The following PARVB variants were observed in gnomAD, a reference collection of about 807,000 sequenced individuals.
PARVB encodes the protein parvin beta.
In PARVB, 46 loss-of-function variants were observed where a neutral mutation model predicts 47.0. The observed-to-expected ratio is 0.98, with a 90% CI of 0.77 to 1.25. The LOEUF (loss-of-function observed/expected upper bound fraction) is 1.25, where lower values mean the gene tolerates loss of function less well. PARVB is among the 50% of genes most tolerant of loss of function. The pLI is 0.00. For missense variants in PARVB, 473 were observed against 471.6 expected (o/e 1.00, Z -0.03); for synonymous variants, 196 against 196.3 (o/e 1.00, Z 0.01).
Position 44,151,484 on chromosome 22 carries a change from C to A in PARVB, c.776C>A (p.Ser259Tyr), listed in dbSNP as rs981996024. 6.2e-7 allele frequency: 1 copy of A among 1,613,234 alleles called. No individual in the cohort carries two copies. The highest frequency in any genetic ancestry group is 1.3e-5 in the African/African-American group (1 of 75,030). The change falls in exon 10 of 13, where the codon TCT becomes TAT. Residue 259 changes from serine (S) to tyrosine (Y), a missense_variant and splice_region_variant. By Grantham distance (144) the Ser-to-Tyr change is moderately radical. Coordinates refer to ENST00000338758, the MANE Select transcript of PARVB (RefSeq NM_013327.5). ...CTGTGTCTCTTTTATTCTTGGCAGT[C>A]TCTCATCACTTTTGTGAACAAGCAC... is the stretch of plus-strand genomic sequence containing the variant. ...APDKLSVVKK[S>Y]LITFVNKHLN...
At chr22:44,041,886 AAAAT>A (rs899644937) in intron 1 of PARVB, among the ~76,000 whole-genome samples, 1 of 152,052 alleles carries the variant, frequency 6.6e-6, no homozygotes. Flanking sequence ...CCCTGCCTCA[AAAAT>A]AAATAAATAA....
chr22:44,162,220 T>C (rs2054069270), intron 11 of PARVB, among the ~76,000 whole-genome samples: 5 of 152,274 alleles, frequency 3.3e-5, no homozygotes, highest in Admixed American at 3.3e-4. Context: ...CTCTTTTTCC[T>C]GGTTAATTAT....
At chr22:44,041,900 A>ATAC (rs2051025647) in intron 1 of PARVB, among the ~76,000 whole-genome samples, 6 of 151,848 alleles carry the variant, frequency 4.0e-5, no homozygotes, top group African/African-American at 1.4e-4. Context: ...TAAATAAATA[A>ATAC]ATAAATACAT....
At chr22:44,156,349 G>A (rs1442026077) in intron 10 of PARVB, among the ~76,000 whole-genome samples, 3 of 147,658 alleles carry the variant, frequency 2.0e-5, no homozygotes, top group Non-Finnish European at 4.5e-5. Context: ...GCGCGATCGC[G>A]GCTCACTGCA....
intron 1 of PARVB, among the ~76,000 whole-genome samples, chr22:44,048,723 G>T (rs2051157667): frequency 6.6e-6 from 1 of 152,120 alleles, no homozygotes; most frequent in African/African-American, 2.4e-5. Flanking sequence ...CACCATGCCT[G>T]GCTAATCTTT....
intron 1 of PARVB, among the ~76,000 whole-genome samples, chr22:44,088,661 A>G (rs1286671503): frequency 6.6e-6 from 1 of 152,086 alleles, no homozygotes; most frequent in Non-Finnish European, 1.5e-5. Flanking sequence ...TAGTAGAGAC[A>G]GGGTTTCATC....
intron 1 of PARVB, among the ~76,000 whole-genome samples, chr22:44,046,251 T>C (rs1464555464): frequency 1.3e-5 from 2 of 152,228 alleles, no homozygotes; most frequent in African/African-American, 4.8e-5. Flanking sequence ...AGGGTGTCTG[T>C]GTCACCTACT....
intron 1 of PARVB, among the ~76,000 whole-genome samples, chr22:44,088,366 G>A (rs1447505666): frequency 6.6e-6 from 1 of 152,180 alleles, no homozygotes; most frequent in Non-Finnish European, 1.5e-5. Context: ...GTAGGGCACA[G>A]TGAGGTGCAA....
At chr22:44,093,503 G>A (rs1285208362) in intron 1 of PARVB, among the ~76,000 whole-genome samples, 1 of 152,222 alleles carries the variant, frequency 6.6e-6, no homozygotes, top group Admixed American at 6.5e-5. Context: ...ACCGGAGGGG[G>A]TTAGCATCTT....
At chr22:44,019,927 A>G (rs755965900), upstream of PARVB, among the ~76,000 whole-genome samples, 1 of 152,164 alleles carries the variant, frequency 6.6e-6, no homozygotes, top group Non-Finnish European at 1.5e-5. Context: ...TGACTGGGAC[A>G]TTATTTGGAG....
chr22:44,020,275 C>G (rs12484537), upstream of PARVB, among the ~76,000 whole-genome samples: 1,217 of 151,840 alleles, frequency 8.0e-3, 46 homozygotes, highest in Admixed American at 0.072. Flanking sequence ...CTCCTGGGCT[C>G]AAGTGATCCT....
chr22:44,167,781 T>A (rs2054202075), intron 12 of PARVB, among the ~76,000 whole-genome samples: 1 of 151,994 alleles, frequency 6.6e-6, no homozygotes, highest in South Asian at 2.1e-4. Context: ...TCAGCCCTGC[T>A]TTTGCTCTGA....
chr22:44,010,058 G>A (rs1431581264), intron 2 of PARVB, among the ~76,000 whole-genome samples: 5 of 151,878 alleles, frequency 3.3e-5, no homozygotes, highest in East Asian at 1.9e-4. Flanking sequence ...CACCCTCCTC[G>A]GCCTCCCAAT....
chr22:44,059,235 G>A (rs568249797), intron 1 of PARVB, among the ~76,000 whole-genome samples: 2 of 151,962 alleles, frequency 1.3e-5, no homozygotes, highest in African/African-American at 4.8e-5. Context: ...TAGTAGAGAC[G>A]GGGTTTCACA....
chr22:44,069,983 G>T (rs1026761725), intron 1 of PARVB, among the ~76,000 whole-genome samples: 3 of 152,214 alleles, frequency 2.0e-5, no homozygotes, highest in Admixed American at 2.0e-4. Context: ...GCATGCCTGG[G>T]AGTGAGCCCA....
chr22:44,117,196 G>A (rs927541020), intron 3 of PARVB, among the ~76,000 whole-genome samples: 3 of 152,136 alleles, frequency 2.0e-5, no homozygotes, highest in Admixed American at 6.5e-5. Flanking sequence ...GGTTAGGGAC[G>A]GCGCTGGAAG....
intron 8 of PARVB, 179 bp downstream of exon 8, chr22:44,140,322 C>A (rs2053526797): frequency 1.4e-6 from 1 of 734,896 alleles, no homozygotes; most frequent in Admixed American, 2.0e-5. Flanking sequence ...GTATAATGGG[C>A]TTGTTTCTCA....
chr22:44,141,382 T>C (rs2053549394), intron 8 of PARVB: 1 of 152,286 alleles, frequency 6.6e-6, no homozygotes, highest in South Asian at 2.1e-4. Flanking sequence ...CCCAAAGCTG[T>C]AGAACCTGGA....
intron 3 of PARVB, among the ~76,000 whole-genome samples, chr22:44,102,078 C>T (rs921574433): frequency 2.0e-5 from 3 of 152,198 alleles, no homozygotes; most frequent in Admixed American, 6.5e-5. Context: ...GACCTGCCAT[C>T]TGCAAGCTAG....
Sources: allele counts gnomAD v4.1 joint callset (sites outside exome capture counted in the v4.1 genomes callset), GRCh38; gene constraint gnomAD v4.1.1; transcripts MANE v1.5; gene names NCBI Gene and HGNC (gene_info 2026-07-23, HGNC 2026-07-21).